The following RYR1 variants were observed in gnomAD, a reference collection of about 807,000 sequenced individuals.
RYR1 encodes the protein central core disease of muscle.
A neutral mutation model predicts 583.5 loss-of-function variants in RYR1; 342 were observed. The ratio of observed to expected loss-of-function variants is 0.59; its 90% confidence interval spans 0.54 to 0.64. The LOEUF (loss-of-function observed/expected upper bound fraction) is 0.64. Ranked by LOEUF, RYR1 falls within the 30% of genes least tolerant of loss-of-function variation. The pLI is 0.00. For missense variants in RYR1, 6,032 were observed against 6,917.2 expected (o/e 0.87, Z 4.54); for synonymous variants, 2,791 against 2,822.5 (o/e 0.99, Z 0.35).
intron 73 of RYR1, 122 bp from the exon 74 acceptor site, chr19:38,528,184 C>G (rs1181298029): frequency 1.2e-6 from 1 of 819,720 alleles, no homozygotes. Flanking sequence ...ACAAGGTTTT[C>G]CTTCTGCCGT....
rs748552245 is a variant in RYR1, at chr19:38,455,273, A to G, written c.1479A>G (p.Leu493=). ...LSMVLNCIDR[L]NVYTTAAHFA... is the part of the protein sequence containing the mutation. ...TGGTCCTGAATTGCATAGACCGCCT[A>G]AATGTCTACACCACTGCTGCCCACT... The change falls in exon 14 of 106, where the codon CTA becomes CTG. Residue 493 remains leucine, a synonymous_variant. Coordinates refer to ENST00000359596, the MANE Select transcript of RYR1 (RefSeq NM_000540.3). The G allele has an allele frequency of 1.9e-6, 3 of 1,614,018 alleles. No homozygotes were observed. The highest frequency in any genetic ancestry group is 1.1e-5 in the South Asian group (1 of 91,066).
At chr19:38,492,676 TG>T in intron 38 of RYR1, 40 bp downstream of exon 38, 1 of 1,110,012 alleles carries the variant, frequency 9.0e-7, no homozygotes, top group Non-Finnish European at 1.3e-6. Flanking sequence ...AGGGGTGGGG[TG>T]GGTAGCCCCA....
At chr19:38,556,633 A>AT (rs1458026349) in intron 89 of RYR1, among the ~76,000 whole-genome samples, 1 of 151,762 alleles carries the variant, frequency 6.6e-6, no homozygotes, top group African/African-American at 2.4e-5. Context: ...CAAGCAATCC[A>AT]CCCTCCTCAG....
chr19:38,485,440 G>A, intron 33 of RYR1, 150 bp from the exon 34 acceptor site: 1 of 1,088,376 alleles, frequency 9.2e-7, no homozygotes, highest in Non-Finnish European at 1.4e-6. Flanking sequence ...CAGGATGGGT[G>A]AATTGATAGA....
intron 90 of RYR1, among the ~76,000 whole-genome samples, chr19:38,562,836 C>T (rs940938559): frequency 1.3e-5 from 2 of 152,190 alleles, no homozygotes; most frequent in Non-Finnish European, 2.9e-5. Context: ...GCCGCCACGC[C>T]CTCCTTACTC....
chr19:38,475,554 C>T, intron 29 of RYR1, 104 bp downstream of exon 29: 2 of 1,382,328 alleles, frequency 1.4e-6, no homozygotes, highest in Non-Finnish European at 2.0e-6. Context: ...CCACCTTACA[C>T]TGGGGACTCC....
chr19:38,440,870 T>A lies in RYR1; in HGVS notation c.165+6T>A. 2.5e-6 allele frequency: 4 copies of A among 1,610,050 alleles called. No individual in the cohort carries two copies. The highest frequency in any genetic ancestry group is 3.4e-6 in the Non-Finnish European group (4 of 1,178,134). ...AGCCCACTAGCAACGCGCAGGTCTG[T>A]GCAGGAGGGAGAGGGGCCTGGGGAC... is the stretch of plus-strand genomic sequence containing the variant. On this transcript the variant is annotated splice_donor_region_variant and intron_variant, in intron 2 of 105. Coordinates refer to ENST00000359596, the MANE Select transcript of RYR1 (RefSeq NM_000540.3).
At chr19:38,465,171 G>A (rs1234927722) in intron 23 of RYR1, among the ~76,000 whole-genome samples, 2 of 152,038 alleles carry the variant, frequency 1.3e-5, no homozygotes, top group Admixed American at 1.3e-4. Flanking sequence ...TGGGATCAGA[G>A]TAAGAAACCT....
Position 38,565,472 on chromosome 19 carries a change from CT to C in RYR1, c.13139del (p.Leu4380ArgfsTer61). 1 of 1,504,114 alleles carries C rather than the reference CT, an allele frequency of 6.6e-7. No homozygotes were observed. Among genetic ancestry groups the C allele is most frequent in the Admixed American group, 2.1e-5 (1 of 48,032 alleles). The allele number at this position is 1,504,114 out of a possible 1,614,324, so 93.2% of individuals were successfully genotyped here. ...CAAGAAGGTGACGGTGACCGAGCTC[CT>C]GGCAGGCATGCCCGACCCCACCAGC... ...GAKKVTVTEL[L>X]AGMPDPTSDE... On this transcript the variant is annotated frameshift_variant, in exon 91 of 106. Coordinates refer to ENST00000359596, the MANE Select transcript of RYR1 (RefSeq NM_000540.3). LOFTEE classifies it high-confidence loss of function. This position sits in a 1 kb window ranked among gnomAD's most constrained non-coding sequence, Gnocchi z 4.7.
At chr19:38,574,501 G>C (rs185158262) in intron 96 of RYR1, among the ~76,000 whole-genome samples, 1 of 151,698 alleles carries the variant, frequency 6.6e-6, no homozygotes, top group African/African-American at 2.4e-5. Context: ...CCTGGCTAGC[G>C]CATGCCTGTA....
At position 38,489,026 on chromosome 19, in the gene RYR1, G is replaced by A. The variant is rs547117294; in HGVS notation, c.5548-151G>A. On this transcript the variant is annotated intron_variant, in intron 34 of 105. Transcript: ENST00000359596. Reference sequence around the variant, plus strand: ...TCTTAAGGAGGGTGGATGGCAAGGCGGGGGATGCCATTCCTGCTGTGGGAG... The same window carrying A: ...TCTTAAGGAGGGTGGATGGCAAGGCAGGGGATGCCATTCCTGCTGTGGGAG... 7.0e-5 allele frequency: 53 copies of A among 752,460 alleles called. No individual in the cohort carries two copies. In the East Asian group the frequency reaches 1.1e-3, roughly 15 times the overall value. 46.6% of individuals were successfully genotyped at this position (752,460 alleles called of 1,614,324 possible).
chr19:38,435,534 C>A (rs1354781476), intron 1 of RYR1, among the ~76,000 whole-genome samples: 1 of 152,106 alleles, frequency 6.6e-6, no homozygotes, highest in Non-Finnish European at 1.5e-5. Context: ...GAGTTTGAGA[C>A]CAGCCTGGCC....
rs1466107621 is a variant in RYR1 at position 38,524,081 on chromosome 19, TCC to T, written c.10455+154_10455+155del. The T allele has an allele frequency of 4.3e-6, 3 of 691,692 alleles. No homozygotes were observed. In the African/African-American group the frequency reaches 7.0e-5, roughly 16 times the overall value. The allele number at this position is 691,692 out of a possible 1,614,324, so 42.8% of individuals were successfully genotyped here. The stretch of plus-strand genomic sequence containing the variant: ...CCCACCCATCCTCCTTCCCTTCCCT[TCC>T]CTCCCCACCACCCCCATCCGTTCCC... On this transcript the variant is annotated intron_variant, in intron 70 of 105. Coordinates refer to ENST00000359596, the MANE Select transcript of RYR1 (RefSeq NM_000540.3).
chr19:38,513,349 A>C (rs1412263550), intron 63 of RYR1, among the ~76,000 whole-genome samples: 1 of 150,978 alleles, frequency 6.6e-6, no homozygotes, highest in Non-Finnish European at 1.5e-5. Context: ...AAAGAAAAGA[A>C]AAGTAGCAGT....
In RYR1 at chr19:38,482,994, G is replaced by A. The variant is rs181828742; in HGVS notation, c.4621-33G>A. The A allele has an allele frequency of 1.9e-4, 309 of 1,587,876 alleles. 1 individual carries two copies. The East Asian group carries it at 2.6e-3, about 13-fold the overall frequency. Reference sequence around the variant, plus strand: ...AGTCAACCCTCCCTCCAGCCCACCCGTTTGCTCACCTCGTCCTCTTCTCCT... The same window carrying A: ...AGTCAACCCTCCCTCCAGCCCACCCATTTGCTCACCTCGTCCTCTTCTCCT... On this transcript the variant is annotated intron_variant, in intron 31 of 105. Coordinates refer to ENST00000359596, the MANE Select transcript of RYR1 (RefSeq NM_000540.3).
At chr19:38,473,270 C>T (rs1968524279) in intron 27 of RYR1, 107 bp from the exon 28 acceptor site, 3 of 1,369,728 alleles carry the variant, frequency 2.2e-6, no homozygotes, top group Non-Finnish European at 3.1e-6. Context: ...AATTCCCATG[C>T]AGGTGCACTA....
At chr19:38,492,370 A>C in intron 37 of RYR1, 120 bp from the exon 38 acceptor site, 1 of 1,172,096 alleles carries the variant, frequency 8.5e-7, no homozygotes, top group Non-Finnish European at 1.2e-6. Context: ...CAAAAAAAAA[A>C]AAAAAAAGGA....
chr19:38,455,501 T>G lies in RYR1; in HGVS notation c.1627T>G (p.Leu543Val), dbSNP rs946863283. ...CAACTGTGCCCTCTTCTCCACAAACTTGGACTGGCTGGTCAGCAAGCTGGA... is the reference window on the plus strand; with the variant it reads ...CAACTGTGCCCTCTTCTCCACAAACGTGGACTGGCTGGTCAGCAAGCTGGA... The part of the protein sequence containing the change: ...RSNCALFSTN[L>V]DWLVSKLDRL... Residue 543 changes from leucine (L) to valine (V), a missense_variant, in exon 15 of 106, where the codon TTG becomes GTG. Around this residue, in one of 11 missense-constraint regions of RYR1, gnomAD observed 2,627 missense variants for 2,961.3 expected, o/e 0.89. Coordinates refer to ENST00000359596, the MANE Select transcript of RYR1 (RefSeq NM_000540.3). 3.1e-6 allele frequency: 5 copies of G among 1,614,130 alleles called. No individual in the cohort carries two copies. The highest frequency in any genetic ancestry group is 2.5e-6 in the Non-Finnish European group (3 of 1,180,030).
At chr19:38,573,342 G>C in intron 96 of RYR1, 35 bp downstream of exon 96, 2 of 1,608,418 alleles carry the variant, frequency 1.2e-6, no homozygotes, top group Non-Finnish European at 1.7e-6. Flanking sequence ...GGTGGCAGCA[G>C]GAGGGGACCT....
Sources: gnomAD v4.1 joint callset for allele counts (sites outside exome capture counted in the v4.1 genomes callset) on GRCh38, gnomAD v4.1.1 for gene constraint, gnomAD v4.1.1 regional missense constraint, Gnocchi (gnomAD v3.1) non-coding constraint, MANE v1.5 for transcripts, NCBI Gene and HGNC (gene_info 2026-07-23, HGNC 2026-07-21) for gene names.